ARHGAP12: variants seen among roughly 807,000 people sequenced by gnomAD.
ARHGAP12 encodes the protein rho GTPase-activating protein 12.
Under a neutral mutation model 108.6 loss-of-function variants are expected in ARHGAP12, and 64 were observed. That is an observed-to-expected ratio of 0.59 (90% CI 0.48 to 0.73). The LOEUF is 0.73. Ranked by LOEUF, ARHGAP12 falls within the 30% of genes least tolerant of loss-of-function variation. The pLI is 0.00. For synonymous variants in ARHGAP12, 312 were observed against 337.2 expected, an observed-to-expected ratio of 0.93 and a Z score of 0.82; for missense variants, 940 against 1,005.9, an observed-to-expected ratio of 0.93 and a Z score of 0.89.
chr10:31,903,223 C>T (rs771118621), intron 3 of ARHGAP12, among the ~76,000 whole-genome samples: 50 of 152,154 alleles, frequency 3.3e-4, no homozygotes, highest in Non-Finnish European at 6.8e-4. Context: ...TAGCCTATTG[C>T]TCCTAGGTTA....
chr10:31,820,513 A>C (rs779463007), intron 11 of ARHGAP12, 25 bp from the exon 12 acceptor site: 2 of 1,501,122 alleles, frequency 1.3e-6, no homozygotes, highest in African/African-American at 1.4e-5. Context: ...AAGAAAAAAA[A>C]CCTTCATGTG....
At chr10:31,897,610 GTACC>G (rs1007598913) in intron 3 of ARHGAP12, among the ~76,000 whole-genome samples, 19 of 152,176 alleles carry the variant, frequency 1.2e-4, no homozygotes, top group African/African-American at 4.6e-4. Context: ...AAAGCCTCTG[GTACC>G]TACAACTACA....
At chr10:31,909,654 G>T (rs1839270217) in intron 2 of ARHGAP12, among the ~76,000 whole-genome samples, 1 of 152,336 alleles carries the variant, frequency 6.6e-6, no homozygotes, top group African/African-American at 2.4e-5. Context: ...CCAACACTTT[G>T]GGAGGCTGAG....
At chr10:31,914,194 T>G (rs1282709306) in intron 1 of ARHGAP12, among the ~76,000 whole-genome samples, 1 of 152,260 alleles carries the variant, frequency 6.6e-6, no homozygotes, top group Non-Finnish European at 1.5e-5. Flanking sequence ...TTGCTATTTT[T>G]GCTTTCGTTG....
chr10:31,819,521 G>T (rs547019586), intron 12 of ARHGAP12, among the ~76,000 whole-genome samples: 1 of 152,258 alleles, frequency 6.6e-6, no homozygotes, highest in African/African-American at 2.4e-5. Flanking sequence ...CTAGTCTCCT[G>T]AACAGTCTTA....
At chr10:31,852,716 GCAA>G (rs1178453136) in intron 5 of ARHGAP12, 119 bp from the exon 6 acceptor site, 1 of 482,420 alleles carries the variant, frequency 2.1e-6, no homozygotes, top group Non-Finnish European at 3.6e-6. Flanking sequence ...CAAGAACATT[GCAA>G]CAAAAAATTC....
intron 1 of ARHGAP12, among the ~76,000 whole-genome samples, chr10:31,922,742 AC>A (rs750994667): frequency 6.6e-6 from 1 of 152,210 alleles, no homozygotes; most frequent in Non-Finnish European, 1.5e-5. Flanking sequence ...AGAAGTTACT[AC>A]CAATTCTACA....
intron 7 of ARHGAP12, 98 bp from the exon 8 acceptor site, chr10:31,839,809 A>T (rs1836191503): frequency 1.1e-6 from 1 of 919,466 alleles, no homozygotes. Context: ...AGAATAACAA[A>T]TTTTTTCCTC....
At chr10:31,828,175 C>T (rs1460088450) in intron 10 of ARHGAP12, among the ~76,000 whole-genome samples, 1 of 151,762 alleles carries the variant, frequency 6.6e-6, no homozygotes, top group Non-Finnish European at 1.5e-5. Context: ...CTACTGATAT[C>T]CCTAGTCTTG....
chr10:31,922,697 G>A (rs1451982669), intron 1 of ARHGAP12, among the ~76,000 whole-genome samples: 1 of 152,048 alleles, frequency 6.6e-6, no homozygotes, highest in Non-Finnish European at 1.5e-5. Context: ...AACTGGCCCA[G>A]GCGGCTTCAC....
At chr10:31,910,028 A>AACC (rs1839283529) in intron 2 of ARHGAP12, among the ~76,000 whole-genome samples, 1 of 152,188 alleles carries the variant, frequency 6.6e-6, no homozygotes, top group Non-Finnish European at 1.5e-5. Flanking sequence ...GACTGCTGGC[A>AACC]ACCACCAGAA....
At chr10:31,821,686 G>C (rs986714037) in intron 11 of ARHGAP12, among the ~76,000 whole-genome samples, 3 of 152,096 alleles carry the variant, frequency 2.0e-5, no homozygotes, top group Non-Finnish European at 4.4e-5. Flanking sequence ...AGCTATCAGT[G>C]TGAACTTAAA....
At chr10:31,853,992 C>A in intron 5 of ARHGAP12, 74 bp downstream of exon 5, 1 of 1,419,348 alleles carries the variant, frequency 7.0e-7, no homozygotes, top group Non-Finnish European at 9.5e-7. Context: ...TTTTTAAATA[C>A]TAAAACTGCA....
At chr10:31,886,405 T>C (rs1346435603) in intron 3 of ARHGAP12, among the ~76,000 whole-genome samples, 2 of 152,202 alleles carry the variant, frequency 1.3e-5, no homozygotes, top group African/African-American at 2.4e-5. Context: ...AGAAAGCAAC[T>C]TCTGATACCC....
chr10:31,868,355 T>G (rs532081111), intron 3 of ARHGAP12, among the ~76,000 whole-genome samples: 4 of 152,204 alleles, frequency 2.6e-5, no homozygotes, highest in South Asian at 4.1e-4. Context: ...TCTCTGGATA[T>G]TAGTATTATA....
intron 3 of ARHGAP12, among the ~76,000 whole-genome samples, chr10:31,907,894 T>C (rs1030084638): frequency 6.6e-6 from 1 of 152,158 alleles, no homozygotes; most frequent in African/African-American, 2.4e-5. Context: ...CTCTGCCTTA[T>C]ACATAATCAA....
intron 11 of ARHGAP12, among the ~76,000 whole-genome samples, chr10:31,824,038 T>C (rs987932622): frequency 2.6e-5 from 4 of 152,190 alleles, no homozygotes; most frequent in Admixed American, 1.3e-4. Context: ...TAAATTTTGG[T>C]ATTTATGAAT....
At chr10:31,882,891 A>C (rs946211134) in intron 3 of ARHGAP12, among the ~76,000 whole-genome samples, 1 of 151,992 alleles carries the variant, frequency 6.6e-6, no homozygotes, top group African/African-American at 2.4e-5. Context: ...GCTTCTAGTA[A>C]GTGGCAAATG....
intron 1 of ARHGAP12, among the ~76,000 whole-genome samples, chr10:31,912,048 A>G (rs1839370663): frequency 6.6e-6 from 1 of 152,210 alleles, no homozygotes; most frequent in Non-Finnish European, 1.5e-5. Context: ...CTTCCATCAC[A>G]GTAAACAGGA....
Sources: allele counts gnomAD v4.1 joint callset (sites outside exome capture counted in the v4.1 genomes callset), GRCh38; gene constraint gnomAD v4.1.1; transcripts MANE v1.5; gene names NCBI Gene and HGNC (gene_info 2026-07-23, HGNC 2026-07-21).